DNM1L: variants seen among roughly 807,000 people sequenced by gnomAD.
DNM1L encodes the protein dynamin-1-like protein.
A neutral mutation model predicts 92.8 loss-of-function variants in DNM1L; 33 were observed. That is an observed-to-expected ratio of 0.36 (90% CI 0.27 to 0.48). The LOEUF (loss-of-function observed/expected upper bound fraction) is 0.48, where lower values mean the gene tolerates loss of function less well. DNM1L is among the 20% of genes least tolerant of loss of function. The probability of loss-of-function intolerance (pLI) is 0.99; values close to 1 mark genes in which losing one functional copy is unlikely to be tolerated. For synonymous variants in DNM1L, 284 were observed against 305.0 expected (o/e 0.93, Z 0.72); for missense variants, 485 against 888.8 (o/e 0.55, Z 5.78).
At chr12:32,728,679 A>C (rs1954318829) in intron 9 of DNM1L, 1 of 152,266 alleles carries the variant, frequency 6.6e-6, no homozygotes, top group African/African-American at 2.4e-5. Flanking sequence ...AGGGCATTTT[A>C]GGCTTGGCAA....
At chr12:32,697,471 A>G (rs1022676778) in intron 1 of DNM1L, among the ~76,000 whole-genome samples, 1 of 152,202 alleles carries the variant, frequency 6.6e-6, no homozygotes, top group Admixed American at 6.5e-5. Flanking sequence ...TTAAAAAACT[A>G]CTTTCAGTAA....
chr12:32,702,028 G>A (rs972878880), intron 2 of DNM1L, among the ~76,000 whole-genome samples: 1 of 149,258 alleles, frequency 6.7e-6, no homozygotes, highest in Non-Finnish European at 1.5e-5. Context: ...GAGGTCAGAA[G>A]TTCGAGACCA....
In DNM1L at chr12:32,744,332, C is replaced by T. The variant is rs1284784798; in HGVS notation, c.*922C>T. On this transcript the variant is annotated 3_prime_UTR_variant, in exon 20 of 20. Coordinates refer to ENST00000549701, the MANE Select transcript of DNM1L (RefSeq NM_012062.5). Reference sequence around the variant, plus strand: ...TTAAAACCAGTGTACTGTATGTATGCATTGGTAATAGCTACTTTTGCTTCA... The same window carrying T: ...TTAAAACCAGTGTACTGTATGTATGTATTGGTAATAGCTACTTTTGCTTCA... 1 of 153,826 alleles carries T rather than the reference C, an allele frequency of 6.5e-6. No homozygotes were observed. Among genetic ancestry groups the T allele is most frequent in the African/African-American group, 2.4e-5 (1 of 41,462 alleles). 9.5% of individuals were successfully genotyped at this position (153,826 alleles called of 1,614,324 possible). A position where few individuals can be genotyped will look rare whatever the true frequency, so the allele number is the denominator to read the frequency against.
chr12:32,718,228 GC>G (rs1565519867), intron 6 of DNM1L, among the ~76,000 whole-genome samples: 2 of 150,054 alleles, frequency 1.3e-5, no homozygotes, highest in Non-Finnish European at 3.0e-5. Flanking sequence ...TGCAACCTCT[GC>G]CTCTCGGGTT....
At chr12:32,680,170 A>G (rs1298134699) in intron 1 of DNM1L, among the ~76,000 whole-genome samples, 1 of 152,254 alleles carries the variant, frequency 6.6e-6, no homozygotes, top group African/African-American at 2.4e-5. Flanking sequence ...ATCGTGACCT[A>G]AATTGGGCAT....
At chr12:32,738,176 G>C in intron 15 of DNM1L, 88 bp from the exon 16 acceptor site, 1 of 1,484,170 alleles carries the variant, frequency 6.7e-7, no homozygotes, top group Non-Finnish European at 9.4e-7. Context: ...AATTTAAAGA[G>C]GAAATTATCC....
At chr12:32,693,519 T>G (rs1446055223) in intron 1 of DNM1L, among the ~76,000 whole-genome samples, 1 of 152,244 alleles carries the variant, frequency 6.6e-6, no homozygotes, top group Non-Finnish European at 1.5e-5. Flanking sequence ...TCCTTTATTT[T>G]GTTTTTTAAC....
intron 1 of DNM1L, among the ~76,000 whole-genome samples, chr12:32,698,830 T>C (rs1337152103): frequency 6.6e-6 from 1 of 152,146 alleles, no homozygotes; most frequent in Non-Finnish European, 1.5e-5. Flanking sequence ...TATTTAGTAA[T>C]TGGATATTGG....
At chr12:32,743,192 G>C (rs1955438228) in intron 19 of DNM1L, among the ~76,000 whole-genome samples, 162 bp from the exon 20 acceptor site, 1 of 151,942 alleles carries the variant, frequency 6.6e-6, no homozygotes, top group Admixed American at 6.6e-5. Flanking sequence ...ACTGCGCCTG[G>C]CCGGTACTTG....
At chr12:32,710,142 A>G (rs905634056) in intron 4 of DNM1L, among the ~76,000 whole-genome samples, 2 of 152,238 alleles carry the variant, frequency 1.3e-5, no homozygotes, top group Admixed American at 6.5e-5. Context: ...GAGCCTACGC[A>G]GTATTCTTAG....
At chr12:32,721,130 A>G (rs1474976331) in intron 8 of DNM1L, among the ~76,000 whole-genome samples, 1 of 152,222 alleles carries the variant, frequency 6.6e-6, no homozygotes, top group Non-Finnish European at 1.5e-5. Context: ...TTTTCACATT[A>G]TCTATTCTTA....
At position 32,733,771 on chromosome 12, in the gene DNM1L, T is replaced by C. The variant is rs1191635461; in HGVS notation, c.1503T>C (p.Phe501=). 2 of 1,613,914 alleles carry C rather than the reference T, an allele frequency of 1.2e-6. No individual in the cohort carries two copies. The highest frequency in any genetic ancestry group is 1.3e-5 in the African/African-American group (1 of 74,942). Residue 501 remains phenylalanine, a synonymous_variant, in exon 13 of 20, where the codon TTT becomes TTC. Transcript: ENST00000549701. ...ATATCAACACAAAACATCCAGACTT[T>C]GCTGATGCTTGTGGGCTAATGAACA... The part of the protein sequence containing the change: ...LAYINTKHPD[F]ADACGLMNNN...
intron 16 of DNM1L, among the ~76,000 whole-genome samples, chr12:32,739,269 A>G (rs957251417): frequency 6.7e-6 from 1 of 148,568 alleles, no homozygotes; most frequent in Non-Finnish European, 1.5e-5. Flanking sequence ...AAGATCTTAA[A>G]GAATACCTAA....
At chr12:32,708,475 T>G (rs184532964) in intron 4 of DNM1L, among the ~76,000 whole-genome samples, 4 of 152,192 alleles carry the variant, frequency 2.6e-5, no homozygotes, top group African/African-American at 9.6e-5. Context: ...TTTATTTAGA[T>G]GTTTATTGTT....
chr12:32,735,171 T>C (rs528748481), intron 13 of DNM1L, among the ~76,000 whole-genome samples: 2 of 152,358 alleles, frequency 1.3e-5, no homozygotes, highest in African/African-American at 4.8e-5. Context: ...AGTATTTTTC[T>C]ACAAATGAAT....
intron 1 of DNM1L, among the ~76,000 whole-genome samples, chr12:32,680,274 G>A (rs1334188321): frequency 6.6e-6 from 1 of 152,196 alleles, no homozygotes; most frequent in Admixed American, 6.5e-5. Context: ...CAGAGGAGAA[G>A]TATAATTTTC....
intron 1 of DNM1L, among the ~76,000 whole-genome samples, chr12:32,696,251 C>T (rs866317992): frequency 6.6e-6 from 1 of 152,008 alleles, no homozygotes; most frequent in Non-Finnish European, 1.5e-5. Context: ...AAAGGAAAAT[C>T]AGGGCCAGGT....
intron 3 of DNM1L, among the ~76,000 whole-genome samples, chr12:32,707,895 G>A (rs1271603900): frequency 6.6e-6 from 1 of 151,690 alleles, no homozygotes; most frequent in East Asian, 1.9e-4. Context: ...AGGCTGCAGT[G>A]AGCCGTGATT....
intron 5 of DNM1L, 63 bp from the exon 6 acceptor site, chr12:32,713,146 G>A (rs370809861): frequency 1.8e-5 from 28 of 1,548,864 alleles, no homozygotes; most frequent in Non-Finnish European, 2.5e-5. Flanking sequence ...TCGATTAAAT[G>A]TGGGTAAAAA....
Sources: allele counts gnomAD v4.1 joint callset (sites outside exome capture counted in the v4.1 genomes callset), GRCh38; gene constraint gnomAD v4.1.1; transcripts MANE v1.5; gene names NCBI Gene and HGNC (gene_info 2026-07-23, HGNC 2026-07-21).